The following NAALADL2 variants were observed in gnomAD, a reference collection of about 807,000 sequenced individuals.
NAALADL2 encodes inactive N-acetylated-alpha-linked acidic dipeptidase-like protein 2.
A neutral mutation model predicts 87.2 loss-of-function variants in NAALADL2; 76 were observed. The observed-to-expected ratio is 0.87, with a 90% CI of 0.72 to 1.05. NAALADL2 has a LOEUF of 1.05. Among genes scored for constraint, NAALADL2 ranks in the 50% least tolerant of loss-of-function variants. The pLI is 0.00. For missense variants in NAALADL2, 1,089 were observed against 945.8 expected (o/e 1.15, Z -1.99); for synonymous variants, 354 against 331.0 (o/e 1.07, Z -0.75).
intron 11 of NAALADL2, among the ~76,000 whole-genome samples, chr3:175,720,538 T>C (rs1742091078): frequency 6.6e-6 from 1 of 152,074 alleles, no homozygotes; most frequent in South Asian, 2.1e-4. Flanking sequence ...CTGGGGGAGA[T>C]GCAGTATTTG....
chr3:174,489,366 A>G lies in NAALADL2; in HGVS notation c.-184+48334A>G, dbSNP rs534220397. ...AATGGACCATAAGCCTGAATATAAG[A>G]GCTAAAGCTATAAAACCTCTTAGAA... is the stretch of plus-strand genomic sequence containing the variant. On this transcript the variant is annotated intron_variant, in intron 1 of 3. Coordinates refer to the NAALADL2 transcript ENST00000434257. Among the ~76,000 whole-genome samples, 4 of 152,204 alleles carry G rather than the reference A, an allele frequency of 2.6e-5. No homozygotes were observed. In the South Asian group the frequency reaches 8.3e-4, roughly 32 times the overall value.
At chr3:174,942,933 A>C (rs538441089) in intron 1 of NAALADL2, among the ~76,000 whole-genome samples, 2 of 152,188 alleles carry the variant, frequency 1.3e-5, no homozygotes, top group African/African-American at 2.4e-5. Context: ...CAGTTCCTGC[A>C]TCACTTTATT....
At chr3:175,202,052 T>A (rs765333063) in intron 2 of NAALADL2, among the ~76,000 whole-genome samples, 1 of 152,108 alleles carries the variant, frequency 6.6e-6, no homozygotes, top group Non-Finnish European at 1.5e-5. Flanking sequence ...ACTATTTATT[T>A]TTTTTTTTAC....
intron 3 of NAALADL2, among the ~76,000 whole-genome samples, chr3:174,842,967 A>G (rs1028534247): frequency 1.3e-5 from 2 of 151,896 alleles, no homozygotes; most frequent in African/African-American, 4.8e-5. Flanking sequence ...TTTCTTTTCA[A>G]TTTTTTTAAA....
intron 5 of NAALADL2, among the ~76,000 whole-genome samples, chr3:175,380,757 T>C (rs6795063): frequency 0.59 from 89,679 of 151,508 alleles, 26,739 homozygotes; most frequent in East Asian, 0.66. Context: ...TGTCTGAAAG[T>C]ATATATTACA....
chr3:174,618,762 T>G (rs1720722469), intron 2 of NAALADL2, among the ~76,000 whole-genome samples: 1 of 151,950 alleles, frequency 6.6e-6, no homozygotes, highest in Non-Finnish European at 1.5e-5. Context: ...TTATAGTATC[T>G]TTTCTTCTCC....
At chr3:175,474,859 T>G (rs985197315) in intron 9 of NAALADL2, among the ~76,000 whole-genome samples, 2 of 151,748 alleles carry the variant, frequency 1.3e-5, no homozygotes, top group Non-Finnish European at 2.9e-5. Flanking sequence ...TGGTGTCCAC[T>G]TTGAGTGGAA....
chr3:174,744,227 G>T (rs956723983), intron 3 of NAALADL2, among the ~76,000 whole-genome samples: 1 of 151,882 alleles, frequency 6.6e-6, no homozygotes, highest in Admixed American at 6.6e-5. Context: ...TAATAGCCTG[G>T]ATTATCCAGG....
At chr3:175,008,136 G>A (rs1226257776) in intron 1 of NAALADL2, among the ~76,000 whole-genome samples, 1 of 152,142 alleles carries the variant, frequency 6.6e-6, no homozygotes, top group East Asian at 1.9e-4. Flanking sequence ...CCAGCATTTT[G>A]GGAAGCTGAG....
chr3:174,922,655 T>C (rs568458507), intron 1 of NAALADL2, among the ~76,000 whole-genome samples: 30 of 152,308 alleles, frequency 2.0e-4, no homozygotes, highest in African/African-American at 5.3e-4. Flanking sequence ...AGTCTTTCCT[T>C]GTCTGTAAGG....
At chr3:175,152,992 T>G (rs536729004) in intron 2 of NAALADL2, among the ~76,000 whole-genome samples, 2 of 152,274 alleles carry the variant, frequency 1.3e-5, no homozygotes, top group East Asian at 3.9e-4. Context: ...TATTATAAAA[T>G]AGAAAAATTA....
chr3:175,011,468 A>T (rs533692182), intron 1 of NAALADL2, among the ~76,000 whole-genome samples: 1 of 152,178 alleles, frequency 6.6e-6, no homozygotes, highest in African/African-American at 2.4e-5. Flanking sequence ...GACAAATGTG[A>T]TATATAGCAA....
intron 3 of NAALADL2, among the ~76,000 whole-genome samples, chr3:174,811,679 A>G: frequency 6.6e-6 from 1 of 152,132 alleles, no homozygotes; most frequent in South Asian, 2.1e-4. Flanking sequence ...TGCTAGAATG[A>G]GTTAAGACTT....
chr3:175,574,507 T>C (rs1039567596), intron 9 of NAALADL2, among the ~76,000 whole-genome samples: 1 of 152,174 alleles, frequency 6.6e-6, no homozygotes, highest in African/African-American at 2.4e-5. Flanking sequence ...GAACTCTGTG[T>C]CAAACTTTTC....
chr3:174,502,460 A>C (rs747627641), intron 1 of NAALADL2, among the ~76,000 whole-genome samples: 4 of 152,218 alleles, frequency 2.6e-5, no homozygotes, highest in African/African-American at 4.8e-5. Context: ...GCTCTGTTGC[A>C]ATGGCCTAAT....
intron 5 of NAALADL2, among the ~76,000 whole-genome samples, chr3:175,434,613 G>T (rs552941671): frequency 1.5e-3 from 231 of 152,150 alleles, no homozygotes; most frequent in South Asian, 0.01. Flanking sequence ...CTGGTATGAA[G>T]AATTAATGGT....
chr3:175,511,729 G>A (rs1215913267), intron 9 of NAALADL2, among the ~76,000 whole-genome samples: 1 of 152,194 alleles, frequency 6.6e-6, no homozygotes, highest in Non-Finnish European at 1.5e-5. Flanking sequence ...AGATCACACA[G>A]ATTCTGACAG....
intron 2 of NAALADL2, among the ~76,000 whole-genome samples, chr3:175,115,504 G>T (rs1425026299): frequency 6.6e-6 from 1 of 151,552 alleles, no homozygotes; most frequent in Non-Finnish European, 1.5e-5. Context: ...CAGATAACGT[G>T]TATCCTAATA....
chr3:175,436,633 G>A (rs1271802275), intron 5 of NAALADL2, among the ~76,000 whole-genome samples: 1 of 141,470 alleles, frequency 7.1e-6, no homozygotes, highest in Non-Finnish European at 1.5e-5. Context: ...GTGTGTTTTG[G>A]CTGCATAAAT....
Sources: gnomAD v4.1 joint callset for allele counts (sites outside exome capture counted in the v4.1 genomes callset) on GRCh38, gnomAD v4.1.1 for gene constraint, MANE v1.5 for transcripts, NCBI Gene and HGNC (gene_info 2026-07-23, HGNC 2026-07-21) for gene names.